PLPP4: variants seen among roughly 807,000 people sequenced by gnomAD.
PLPP4 encodes phospholipid phosphatase 4.
A neutral mutation model predicts 32.2 loss-of-function variants in PLPP4; 20 were observed. That is an observed-to-expected ratio of 0.62 (90% CI 0.44 to 0.90). PLPP4 has a LOEUF of 0.90. PLPP4 is among the 40% of genes least tolerant of loss of function. PLPP4 has a pLI of 0.00. For missense variants in PLPP4, 257 were observed against 353.1 expected, an observed-to-expected ratio of 0.73 and a Z score of 2.18; for synonymous variants, 127 against 133.0, an observed-to-expected ratio of 0.95 and a Z score of 0.31.
intron 5 of PLPP4, among the ~76,000 whole-genome samples, chr10:120,547,102 T>A (rs1847661086): frequency 6.6e-6 from 1 of 152,182 alleles, no homozygotes; most frequent in South Asian, 2.1e-4. Flanking sequence ...TCTTTTTTTT[T>A]AATCTTTAAG....
chr10:120,464,883 G>A (rs1247816425), intron 1 of PLPP4, among the ~76,000 whole-genome samples: 1 of 152,176 alleles, frequency 6.6e-6, no homozygotes, highest in Non-Finnish European at 1.5e-5. Context: ...CCCTCCCTGG[G>A]AAGGCGTCTG....
In PLPP4 at chr10:120,528,975, G is replaced by GT. The variant is rs35818441; in HGVS notation, c.445+7892dup. Among the ~76,000 whole-genome samples the GT allele has an allele frequency of 9.5e-3, 1,403 of 147,666 alleles. 16 individuals carry two copies. The highest frequency in any genetic ancestry group is 0.032 in the African/African-American group (1,258 of 39,862). On this transcript the variant is annotated intron_variant, in intron 5 of 6. Coordinates refer to ENST00000398250, the MANE Select transcript of PLPP4 (RefSeq NM_001030059.3). The stretch of plus-strand genomic sequence containing the variant: ...AGCATACTAGGCAAGAGCCCCTCAT[G>GT]TTTTTTTTTTTTCCCTAATGATTTT...
chr10:120,485,471 A>G (rs1447322416), intron 1 of PLPP4, among the ~76,000 whole-genome samples: 2 of 152,226 alleles, frequency 1.3e-5, no homozygotes, highest in Non-Finnish European at 2.9e-5. Context: ...CTTCCAGCCC[A>G]GGCCAGCCTA....
chr10:120,461,275 G>A lies in PLPP4; in HGVS notation c.56+3914G>A, dbSNP rs188295839. Among the ~76,000 whole-genome samples, 47 of 152,308 alleles carry A rather than the reference G, an allele frequency of 3.1e-4. No individual in the cohort carries two copies. The East Asian group carries it at 4.6e-3, about 15-fold the overall frequency. ...AGTAGTAAGAAACTAGGAATACACT[G>A]CTTTCTTCCACCGTTTTTGGCTGTC... On this transcript the variant is annotated intron_variant, in intron 1 of 6. Transcript: ENST00000398250.
intron 6 of PLPP4, among the ~76,000 whole-genome samples, chr10:120,585,524 A>T (rs1010759149): frequency 1.3e-5 from 2 of 152,182 alleles, no homozygotes; most frequent in African/African-American, 2.4e-5. Flanking sequence ...ACAAGGATGG[A>T]TACTATTTTT....
At chr10:120,534,014 C>A (rs1846871273) in intron 5 of PLPP4, among the ~76,000 whole-genome samples, 1 of 152,106 alleles carries the variant, frequency 6.6e-6, no homozygotes, top group African/African-American at 2.4e-5. Flanking sequence ...AAGAAAGATG[C>A]ATTTATACTG....
At chr10:120,457,016 G>T, upstream of PLPP4, 1 of 166,264 alleles carries the variant, frequency 6.0e-6, no homozygotes, top group South Asian at 1.9e-4. Context: ...GGCGGCTCCT[G>T]GGGAGAGGGA....
upstream of PLPP4, chr10:120,457,155 G>T (rs1847813388): frequency 1.5e-5 from 5 of 341,408 alleles, no homozygotes; most frequent in Non-Finnish European, 2.4e-5. Flanking sequence ...CCTCCCCGGC[G>T]CCTGCCCCCG....
intron 5 of PLPP4, among the ~76,000 whole-genome samples, chr10:120,538,997 A>G (rs147932078): frequency 6.6e-6 from 1 of 152,236 alleles, no homozygotes; most frequent in East Asian, 1.9e-4. Context: ...TCCACAGGAG[A>G]TATTGCTTCT....
chr10:120,457,191 C>T (rs1847815453), upstream of PLPP4: 4 of 720,720 alleles, frequency 5.6e-6, no homozygotes, highest in Admixed American at 4.8e-5. Flanking sequence ...CGCCCCCGCC[C>T]GCGGCCTGGA....
At chr10:120,491,870 CA>C (rs1320547623) in intron 1 of PLPP4, among the ~76,000 whole-genome samples, 3 of 151,970 alleles carry the variant, frequency 2.0e-5, no homozygotes, top group Non-Finnish European at 4.4e-5. Flanking sequence ...TACAAGCAAA[CA>C]AAAAAACCCA....
intron 4 of PLPP4, among the ~76,000 whole-genome samples, chr10:120,520,755 G>C (rs940141260): frequency 6.6e-6 from 1 of 152,128 alleles, no homozygotes; most frequent in African/African-American, 2.4e-5. Context: ...AAGTGAGTAA[G>C]TGGTACATGG....
At chr10:120,571,895 A>G (rs1848957825) in intron 5 of PLPP4, among the ~76,000 whole-genome samples, 1 of 152,224 alleles carries the variant, frequency 6.6e-6, no homozygotes, top group Admixed American at 6.5e-5. Context: ...GTTCAATAAC[A>G]GTATAAATAT....
Position 120,590,145 on chromosome 10 carries a change from G to T in PLPP4, c.*643G>T, listed in dbSNP as rs1035511601. Among the ~76,000 whole-genome samples the T allele has an allele frequency of 1.3e-5, 2 of 152,218 alleles. No homozygotes were observed. The highest frequency in any genetic ancestry group is 2.9e-5 in the Non-Finnish European group (2 of 68,040). Reference sequence around the variant, plus strand: ...ACAATGAGCATGAAGATGCATGAGTGCATGTGTGGGGGATGAGGTCACAGC... The same window carrying T: ...ACAATGAGCATGAAGATGCATGAGTTCATGTGTGGGGGATGAGGTCACAGC... On this transcript the variant is annotated 3_prime_UTR_variant, in exon 7 of 7. Transcript: ENST00000398250.
intron 5 of PLPP4, among the ~76,000 whole-genome samples, chr10:120,572,426 A>G (rs367601269): frequency 6.6e-6 from 1 of 152,298 alleles, no homozygotes; most frequent in East Asian, 1.9e-4. Context: ...TCTCCAAGTC[A>G]TTTTTTATGG....
upstream of PLPP4, chr10:120,457,154 C>T (rs1208637142): frequency 9.0e-6 from 3 of 333,892 alleles, no homozygotes; most frequent in African/African-American, 6.6e-5. Context: ...CCCTCCCCGG[C>T]GCCTGCCCCC....
chr10:120,472,702 G>A (rs777481854), intron 1 of PLPP4, among the ~76,000 whole-genome samples: 1 of 151,344 alleles, frequency 6.6e-6, no homozygotes, highest in African/African-American at 2.4e-5. Flanking sequence ...TGTATTTTTG[G>A]TTCTTCAGGT....
intron 5 of PLPP4, among the ~76,000 whole-genome samples, chr10:120,551,376 G>T (rs1318861328): frequency 6.6e-6 from 1 of 152,146 alleles, no homozygotes; most frequent in Non-Finnish European, 1.5e-5. Flanking sequence ...GCATTTCTAG[G>T]TATTTGCCCA....
intron 5 of PLPP4, among the ~76,000 whole-genome samples, chr10:120,565,973 G>A (rs966957976): frequency 9.9e-5 from 15 of 151,796 alleles, no homozygotes; most frequent in Admixed American, 5.9e-4. Flanking sequence ...TATTTAATCC[G>A]TCTACTGAGT....
Sources: allele counts gnomAD v4.1 joint callset (sites outside exome capture counted in the v4.1 genomes callset), GRCh38; gene constraint gnomAD v4.1.1; transcripts MANE v1.5; gene names NCBI Gene and HGNC (gene_info 2026-07-23, HGNC 2026-07-21).